USP25: variants seen among roughly 807,000 people sequenced by gnomAD.
The protein encoded by USP25 is ubiquitin carboxyl-terminal hydrolase 25.
USP25 carries 85 observed loss-of-function variants against 158.5 expected under a neutral mutation model. That is an observed-to-expected ratio of 0.54 (90% confidence interval 0.45 to 0.64). The LOEUF (loss-of-function observed/expected upper bound fraction) is 0.64, where lower values mean the gene tolerates loss of function less well. Ranked by LOEUF, USP25 falls within the 30% of genes least tolerant of loss-of-function variation. The pLI, the probability that USP25 is intolerant of heterozygous loss-of-function variation, is 0.00. For synonymous variants in USP25, 464 were observed against 460.4 expected, an observed-to-expected ratio of 1.01 and a Z score of -0.10; for missense variants, 1,242 against 1,327.3, an observed-to-expected ratio of 0.94 and a Z score of 1.00.
Position 15,878,384 on chromosome 21 carries a change from C to CGAAGTT in USP25, c.3288_3293dup (p.Lys1097_Leu1098dup). On this transcript the variant is annotated inframe_insertion, in exon 26 of 26. Transcript: ENST00000400183. ...GAGATTAAAAGTTTCCATGAGCCAC[C>CGAAGTT]GAAGTTACCTTCATATTCCACGCAT... The CGAAGTT allele has an allele frequency of 6.2e-7, 1 of 1,613,996 alleles. No individual in the cohort carries two copies.
In USP25 at chr21:15,842,276, T is replaced by C. The variant is rs547564333; in HGVS notation, c.2195-122T>C. 38 of 1,072,686 alleles carry C rather than the reference T, an allele frequency of 3.5e-5. No individual in the cohort carries two copies. The South Asian group carries it at 8.1e-4, about 23-fold the overall frequency. 66.4% of individuals were successfully genotyped at this position (1,072,686 alleles called of 1,614,324 possible). On this transcript the variant is annotated intron_variant, in intron 17 of 25. Transcript: ENST00000400183. ...CTATACGTGGAAAGATATATTTTAC[T>C]TTGAATGGAAGACTAAAATTGGTTC...
At chr21:15,860,134 C>G (rs1034143733) in intron 20 of USP25, among the ~76,000 whole-genome samples, 3 of 151,442 alleles carry the variant, frequency 2.0e-5, no homozygotes, top group African/African-American at 7.3e-5. Flanking sequence ...ATTACAGGCT[C>G]CCGCCACCAT....
intron 1 of USP25, among the ~76,000 whole-genome samples, chr21:15,737,466 C>T (rs564614567): frequency 2.0e-5 from 3 of 152,174 alleles, no homozygotes; most frequent in East Asian, 3.9e-4. Flanking sequence ...GCTGGAACTT[C>T]GATAATAACC....
chr21:15,797,626 T>A (rs1179883178), intron 5 of USP25, among the ~76,000 whole-genome samples: 1 of 151,358 alleles, frequency 6.6e-6, no homozygotes, highest in Non-Finnish European at 1.5e-5. Flanking sequence ...AAATTCTCTA[T>A]CTACAATGGG....
rs2038274835 is a variant in USP25 at position 15,840,389 on chromosome 21, C to A, written c.2195-2009C>A. Among the ~76,000 whole-genome samples the A allele has an allele frequency of 2.0e-5, 3 of 152,048 alleles. No individual in the cohort carries two copies. In the South Asian group the frequency reaches 6.2e-4, roughly 32 times the overall value. On this transcript the variant is annotated intron_variant, in intron 17 of 25. Coordinates refer to ENST00000400183, the MANE Select transcript of USP25 (RefSeq NM_001283041.3). ...CCTTAAAATTAGTGAAGTATGTAAT[C>A]TTTTTTGTTTTTTATATTTTTAATA...
At chr21:15,873,866 A>G (rs920084520) in intron 23 of USP25, among the ~76,000 whole-genome samples, 2 of 151,820 alleles carry the variant, frequency 1.3e-5, no homozygotes, top group African/African-American at 4.8e-5. Context: ...TTTAGAAGAA[A>G]TCTTTCATTG....
At chr21:15,856,114 G>A (rs1488687957) in intron 20 of USP25, among the ~76,000 whole-genome samples, 1 of 152,152 alleles carries the variant, frequency 6.6e-6, no homozygotes, top group African/African-American at 2.4e-5. Flanking sequence ...GGATGTAGCT[G>A]GGATAATGAT....
intron 1 of USP25, among the ~76,000 whole-genome samples, chr21:15,736,075 G>A (rs920483692): frequency 6.6e-6 from 1 of 151,148 alleles, no homozygotes; most frequent in Admixed American, 6.6e-5. Context: ...GTCGTCAGTA[G>A]TGTTTGCCAG....
At chr21:15,815,467 A>G (rs1197283534) in intron 9 of USP25, among the ~76,000 whole-genome samples, 2 of 152,180 alleles carry the variant, frequency 1.3e-5, no homozygotes, top group East Asian at 1.9e-4. Context: ...CTCAACACCA[A>G]CCCGTGAAAG....
chr21:15,875,045 G>A lies in USP25; in HGVS notation c.3009+519G>A, dbSNP rs965064500. On this transcript the variant is annotated intron_variant, in intron 24 of 25. Transcript: ENST00000400183. This position sits in a 1 kb window ranked among gnomAD's most constrained non-coding sequence, Gnocchi z 4.7. Reference sequence around the variant, plus strand: ...AAATTAGCTGGATATGGTGGTGTGCGCCTGTAGTCTCAACTACTCAGGAGG... The same window carrying A: ...AAATTAGCTGGATATGGTGGTGTGCACCTGTAGTCTCAACTACTCAGGAGG... Among the ~76,000 whole-genome samples, 2 of 152,022 alleles carry A rather than the reference G, an allele frequency of 1.3e-5. No individual in the cohort carries two copies. Among genetic ancestry groups the A allele is most frequent in the African/African-American group, 2.4e-5 (1 of 41,386 alleles).
At chr21:15,845,464 C>G (rs781383531) in intron 18 of USP25, among the ~76,000 whole-genome samples, 3 of 152,014 alleles carry the variant, frequency 2.0e-5, no homozygotes, top group Non-Finnish European at 4.4e-5. Flanking sequence ...GCAAATGATA[C>G]TACAGAATTA....
chr21:15,807,997 T>C (rs1050996846), intron 7 of USP25, among the ~76,000 whole-genome samples: 1 of 152,246 alleles, frequency 6.6e-6, no homozygotes, highest in Non-Finnish European at 1.5e-5. Context: ...AATATAAAGT[T>C]GGCCTACATG....
chr21:15,825,507 C>T (rs2037457665), intron 12 of USP25, among the ~76,000 whole-genome samples: 1 of 152,112 alleles, frequency 6.6e-6, no homozygotes, highest in Non-Finnish European at 1.5e-5. Context: ...GCCTAGAGAG[C>T]AATCTGTGTG....
At chr21:15,830,202 G>C (rs774387597) in intron 14 of USP25, among the ~76,000 whole-genome samples, 48 of 152,104 alleles carry the variant, frequency 3.2e-4, no homozygotes, top group Non-Finnish European at 5.4e-4. Flanking sequence ...AAGTTTACTT[G>C]TGTTATAGCA....
intron 1 of USP25, among the ~76,000 whole-genome samples, chr21:15,746,833 A>T (rs1484918757): frequency 2.0e-5 from 3 of 152,208 alleles, no homozygotes; most frequent in African/African-American, 7.2e-5. Flanking sequence ...TATTCATTTT[A>T]AAAATTGTGC....
intron 21 of USP25, among the ~76,000 whole-genome samples, 155 bp downstream of exon 21, chr21:15,864,601 TG>T (rs1347245107): frequency 1.3e-5 from 2 of 152,326 alleles, no homozygotes; most frequent in East Asian, 3.9e-4. Context: ...GACTAGTTGC[TG>T]GAGTCTGTGG....
intron 22 of USP25, 74 bp downstream of exon 22, chr21:15,866,418 C>A: frequency 1.7e-6 from 2 of 1,161,684 alleles, no homozygotes; most frequent in Non-Finnish European, 2.3e-6. Flanking sequence ...TTCGTTTCAG[C>A]CCAACTGAAG....
At chr21:15,787,186 C>A (rs2035324776) in intron 4 of USP25, among the ~76,000 whole-genome samples, 1 of 152,064 alleles carries the variant, frequency 6.6e-6, no homozygotes, top group Non-Finnish European at 1.5e-5. Context: ...TACCTGAAGT[C>A]ATCTCCAGAC....
intron 9 of USP25, among the ~76,000 whole-genome samples, chr21:15,813,194 A>T (rs776265227): frequency 1.3e-5 from 2 of 151,936 alleles, no homozygotes; most frequent in Admixed American, 1.3e-4. Flanking sequence ...CTATAACCCA[A>T]CTTGTTCTGT....
Sources: gnomAD v4.1 joint callset for allele counts (sites outside exome capture counted in the v4.1 genomes callset) on GRCh38, gnomAD v4.1.1 for gene constraint, Gnocchi (gnomAD v3.1) non-coding constraint, MANE v1.5 for transcripts, NCBI Gene and HGNC (gene_info 2026-07-23, HGNC 2026-07-21) for gene names.